Variants in MYOF observed in about 807,000 individuals in gnomAD.
MYOF encodes fer-1-like 3, myoferlin.
MYOF carries 244 observed loss-of-function variants against 284.2 expected under a neutral mutation model. The ratio of observed to expected loss-of-function variants is 0.86; its 90% CI spans 0.77 to 0.95. The LOEUF (loss-of-function observed/expected upper bound fraction) is 0.95. MYOF is among the 40% of genes least tolerant of loss of function. The pLI, the probability that MYOF is intolerant of heterozygous loss-of-function variation, is 0.00. For missense variants in MYOF, 2,496 were observed against 2,560.6 expected (o/e 0.97, Z 0.54); for synonymous variants, 904 against 919.7 (o/e 0.98, Z 0.31).
intron 43 of MYOF, among the ~76,000 whole-genome samples, chr10:93,332,049 A>T (rs562446510): frequency 6.6e-6 from 1 of 152,152 alleles, no homozygotes; most frequent in South Asian, 2.1e-4. Flanking sequence ...CGGCTCTATC[A>T]CTTACCCCAC....
At chr10:93,465,427 G>T (rs2056979614) in intron 1 of MYOF, among the ~76,000 whole-genome samples, 1 of 151,976 alleles carries the variant, frequency 6.6e-6, no homozygotes, top group Admixed American at 6.6e-5. Context: ...ATGAAAGAAT[G>T]AATACAAAGT....
At chr10:93,425,902 A>T (rs1848568704) in intron 5 of MYOF, 169 bp downstream of exon 5, 1 of 634,502 alleles carries the variant, frequency 1.6e-6, no homozygotes, top group Non-Finnish European at 2.8e-6. Context: ...TTCATAAACA[A>T]TTGCAATGTC....
intron 17 of MYOF, 69 bp downstream of exon 17, chr10:93,392,848 C>T (rs1283517946): frequency 1.4e-6 from 2 of 1,405,794 alleles, no homozygotes; most frequent in African/African-American, 1.4e-5. Context: ...TAAAGACAGT[C>T]GATACATTCT....
At chr10:93,432,871 A>C (rs1848935490) in intron 3 of MYOF, among the ~76,000 whole-genome samples, 1 of 152,218 alleles carries the variant, frequency 6.6e-6, no homozygotes, top group Admixed American at 6.5e-5. Context: ...TCCTGAATGA[A>C]GGAAAGAATA....
intron 37 of MYOF, among the ~76,000 whole-genome samples, chr10:93,346,592 AAAGT>A (rs1462763255): frequency 3.2e-4 from 49 of 152,394 alleles, no homozygotes; most frequent in African/African-American, 1.1e-3. Context: ...ATGGAAATCT[AAAGT>A]AAGTATTATG....
chr10:93,321,693 C>G (rs1393906798), intron 48 of MYOF, among the ~76,000 whole-genome samples: 2 of 150,598 alleles, frequency 1.3e-5, no homozygotes, highest in Non-Finnish European at 2.9e-5. Context: ...TACAGCTCTT[C>G]CTCTCTTTTT....
chr10:93,378,316 T>C (rs1845935825), intron 21 of MYOF, among the ~76,000 whole-genome samples: 1 of 152,054 alleles, frequency 6.6e-6, no homozygotes, highest in South Asian at 2.1e-4. Flanking sequence ...AGGATGAAAA[T>C]TGCTGAAGAG....
Position 93,313,000 on chromosome 10 carries a change from G to T in MYOF, c.5889+20C>A, listed in dbSNP as rs1399465403. On this transcript the variant is annotated intron_variant, in intron 51 of 53. Coordinates refer to ENST00000359263, the MANE Select transcript of MYOF (RefSeq NM_013451.4). Reference sequence around the variant, plus strand: ...AAAAGGCATAAACGATTTTCAACCAGAACCAGGAAATGTTCATACAGCCAT... The same window carrying T: ...AAAAGGCATAAACGATTTTCAACCATAACCAGGAAATGTTCATACAGCCAT... 6.3e-7 allele frequency: 1 copy of T among 1,586,468 alleles called. No homozygotes were observed. The highest frequency in any genetic ancestry group is 1.8e-5 in the Admixed American group (1 of 56,300).
intron 4 of MYOF, among the ~76,000 whole-genome samples, chr10:93,431,024 C>CTTTTTTTTTTT (rs113713765): frequency 1.6e-4 from 19 of 117,854 alleles, no homozygotes; most frequent in East Asian, 2.3e-4. Context: ...TTTTTCTTTT[C>CTTTTTTTTTTT]TTTTTTTTTT....
At chr10:93,425,460 C>T (rs1353154032) in intron 5 of MYOF, among the ~76,000 whole-genome samples, 1 of 152,186 alleles carries the variant, frequency 6.6e-6, no homozygotes, top group Non-Finnish European at 1.5e-5. Context: ...CCTGAGCCCT[C>T]AGCCCCAACC....
At chr10:93,461,060 A>C (rs2056868130) in intron 1 of MYOF, among the ~76,000 whole-genome samples, 1 of 151,448 alleles carries the variant, frequency 6.6e-6, no homozygotes, top group Non-Finnish European at 1.5e-5. Context: ...GCGCCATTGC[A>C]CTCCAGCCTG....
chr10:93,402,275 A>G lies in MYOF; in HGVS notation c.947T>C (p.Met316Thr), dbSNP rs1224042468. Reference sequence around the variant, plus strand: ...TCCCAGGACAAACATGCTGACTTTCATATAACCTTTAGAACCTGAACTGGT... The same window carrying G: ...TCCCAGGACAAACATGCTGACTTTCGTATAACCTTTAGAACCTGAACTGGT... Reference protein sequence around the residue: ...EDTSSGSKGYMKVSMFVLGTG... With the variant: ...EDTSSGSKGYTKVSMFVLGTG... Residue 316 changes from methionine to threonine, a missense_variant, in exon 11 of 54, where the codon ATG becomes ACG. Transcript: ENST00000359263. 6.2e-7 allele frequency: 1 copy of G among 1,614,154 alleles called. No homozygotes were observed. Among genetic ancestry groups the G allele is most frequent in the South Asian group, 1.1e-5 (1 of 91,076 alleles).
intron 23 of MYOF, among the ~76,000 whole-genome samples, chr10:93,374,052 C>T (rs1319525131): frequency 6.6e-6 from 1 of 152,192 alleles, no homozygotes; most frequent in African/African-American, 2.4e-5. Context: ...TGATGTTCCC[C>T]ACCCTGTGTC....
At chr10:93,455,613 C>T (rs2134322598) in intron 2 of MYOF, among the ~76,000 whole-genome samples, 1 of 152,250 alleles carries the variant, frequency 6.6e-6, no homozygotes, top group East Asian at 1.9e-4. Context: ...AGTATTGAAT[C>T]TTAATCACGC....
intron 9 of MYOF, 67 bp from the exon 10 acceptor site, chr10:93,402,957 C>G: frequency 4.5e-6 from 6 of 1,331,260 alleles, no homozygotes; most frequent in East Asian, 4.6e-5. Flanking sequence ...TTTAAAGAAG[C>G]CATCATTATA....
chr10:93,330,764 T>G (rs547851377), intron 43 of MYOF, among the ~76,000 whole-genome samples: 1 of 152,260 alleles, frequency 6.6e-6, no homozygotes, highest in East Asian at 1.9e-4. Flanking sequence ...AGAGGCCTCC[T>G]CTCTGCCTCC....
chr10:93,325,817 G>A lies in MYOF; in HGVS notation c.5271+9C>T, dbSNP rs139828446. 8.7e-3 allele frequency: 13,978 copies of A among 1,609,278 alleles called. 96 individuals carry two copies. Among genetic ancestry groups the A allele is most frequent in the Middle Eastern group, 0.014 (83 of 6,036 alleles). On this transcript the variant is annotated intron_variant, in intron 46 of 53. Transcript: ENST00000359263. ...GATAATGGTCTTCAAGGGAGGGAAG[G>A]CCCTTTACCTGGGAAATGTTGGGCT...
chr10:93,347,891 G>T, intron 36 of MYOF, 109 bp from the exon 37 acceptor site: 1 of 1,117,766 alleles, frequency 8.9e-7, no homozygotes, highest in South Asian at 1.7e-5. Context: ...CAGCCCAGAG[G>T]ACTCGCAATA....
At chr10:93,468,091 T>A (rs1482943778) in intron 1 of MYOF, among the ~76,000 whole-genome samples, 1 of 152,222 alleles carries the variant, frequency 6.6e-6, no homozygotes, top group Non-Finnish European at 1.5e-5. Flanking sequence ...ATTATTATTA[T>A]GATCCTTATT....
Sources: allele counts gnomAD v4.1 joint callset (sites outside exome capture counted in the v4.1 genomes callset), GRCh38; gene constraint gnomAD v4.1.1; transcripts MANE v1.5; gene names NCBI Gene and HGNC (gene_info 2026-07-23, HGNC 2026-07-21).